Variants in DPAGT1 observed in about 807,000 individuals in gnomAD.
DPAGT1 encodes dolichyl-phosphate N-acetylglucosaminephosphotransferase 1.
Under a neutral mutation model 39.3 loss-of-function variants are expected in DPAGT1, and 25 were observed. The observed-to-expected ratio is 0.64, with a 90% CI of 0.46 to 0.89. DPAGT1 has a LOEUF of 0.89. Among genes scored for constraint, DPAGT1 ranks in the 40% least tolerant of loss-of-function variants. The pLI is 0.00. For missense variants in DPAGT1, 381 were observed against 500.6 expected, an observed-to-expected ratio of 0.76 and a Z score of 2.28; for synonymous variants, 193 against 201.4, an observed-to-expected ratio of 0.96 and a Z score of 0.36.
Position 119,100,862 on chromosome 11 carries a change from G to A in DPAGT1, c.283-19C>T, listed in dbSNP as rs747466643. 6.2e-6 allele frequency: 10 copies of A among 1,613,984 alleles called. No individual in the cohort carries two copies. The highest frequency in any genetic ancestry group is 8.5e-7 in the Non-Finnish European group (1 of 1,179,946). Reference sequence around the variant, plus strand: ...CCACAAACTGGGGGAGGCTCGGGCAGGTCCATGACTCAAGCCTGCTCCCAT... The same window carrying A: ...CCACAAACTGGGGGAGGCTCGGGCAAGTCCATGACTCAAGCCTGCTCCCAT... On this transcript the variant is annotated intron_variant, in intron 2 of 8. Transcript: ENST00000354202.
chr11:119,097,093 T>G lies in DPAGT1; in HGVS notation c.1162-30A>C. On this transcript the variant is annotated intron_variant, in intron 8 of 8. Coordinates refer to ENST00000354202, the MANE Select transcript of DPAGT1 (RefSeq NM_001382.4). This position sits in a 1 kb window ranked among gnomAD's most constrained non-coding sequence, Gnocchi z 4.6. ...AAGGAGAAATGGACTGGAGTAAGAA[T>G]CACGCAGAAAGGGAGACACGGAGGT... is the stretch of plus-strand genomic sequence containing the variant. 1.2e-6 allele frequency: 2 copies of G among 1,614,074 alleles called. No individual in the cohort carries two copies. The highest frequency in any genetic ancestry group is 1.7e-6 in the Non-Finnish European group (2 of 1,180,004).
Position 119,100,310 on chromosome 11 carries a change from G to A in DPAGT1, c.595C>T (p.Leu199=), listed in dbSNP as rs1178824669. ...ACAATGATGGAAGCAGAAATGACTAGTGACTGGCCAGCCTCTAGGCCGTTA... is the reference window on the plus strand; with the variant it reads ...ACAATGATGGAAGCAGAAATGACTAATGACTGGCCAGCCTCTAGGCCGTTA... ...GINGLEAGQS[L]VISASIIVFN... is the part of the protein sequence containing the mutation. Residue 199 remains leucine (L), a synonymous_variant, in exon 4 of 9, where the codon CTA becomes TTA. Transcript: ENST00000354202. 1.9e-6 allele frequency: 3 copies of A among 1,614,086 alleles called. No homozygotes were observed. The highest frequency in any genetic ancestry group is 1.3e-5 in the African/African-American group (1 of 74,928).
rs761256245 is a variant in DPAGT1, at chr11:119,101,707, T to C, written c.-52A>G. On this transcript the variant is annotated 5_prime_UTR_variant, in exon 1 of 9. Transcript: ENST00000354202. ...CCGCCTCTTCAGGTAACGGGCAAGC[T>C]GAGCAGCAGTCCTGAGGCCTCAGCA... 2.5e-6 allele frequency: 4 copies of C among 1,613,492 alleles called. No individual in the cohort carries two copies. Among genetic ancestry groups the C allele is most frequent in the Non-Finnish European group, 3.4e-6 (4 of 1,179,806 alleles).
chr11:119,101,341 C>T, intron 1 of DPAGT1, 154 bp downstream of exon 1: 1 of 1,480,602 alleles, frequency 6.8e-7, no homozygotes. Flanking sequence ...TTCCCCAATG[C>T]GAGTAAGTTC....
chr11:119,094,780 C>T, downstream of DPAGT1: 1 of 625,170 alleles, frequency 1.6e-6, no homozygotes, highest in Non-Finnish European at 2.6e-6. Flanking sequence ...GGAGCGGGGG[C>T]GGGCGGGGAC....
At position 119,101,767 on chromosome 11, in the gene DPAGT1, C is replaced by G; in HGVS notation, c.-112G>C. 1 of 1,575,822 alleles carries G rather than the reference C, an allele frequency of 6.3e-7. No individual in the cohort carries two copies. Among genetic ancestry groups the G allele is most frequent in the Non-Finnish European group, 8.6e-7 (1 of 1,162,658 alleles). On this transcript the variant is annotated 5_prime_UTR_variant, in exon 1 of 9. Coordinates refer to ENST00000354202, the MANE Select transcript of DPAGT1 (RefSeq NM_001382.4). ...GGCCGCTCCCCACAGGCAGGCTCTTCCCACACCAATCTGAGCAAAACCCAG... is the reference window on the plus strand; with the variant it reads ...GGCCGCTCCCCACAGGCAGGCTCTTGCCACACCAATCTGAGCAAAACCCAG...
chr11:119,100,823 G>C lies in DPAGT1; in HGVS notation c.303C>G (p.Ala101=). Residue 101 remains alanine, a synonymous_variant, in exon 3 of 9, where the codon GCC becomes GCG. Transcript: ENST00000354202. ...PHHEFVALIG[A]LLAICCMIFL... is the part of the protein sequence containing the mutation. Reference sequence around the variant, plus strand: ...AGATCATGCAGCAGATGGCAAGGAGGGCACCTATCAGGGCCACAAACTGGG... The same window carrying C: ...AGATCATGCAGCAGATGGCAAGGAGCGCACCTATCAGGGCCACAAACTGGG... The C allele has an allele frequency of 6.2e-7, 1 of 1,614,182 alleles. No individual in the cohort carries two copies. The highest frequency in any genetic ancestry group is 8.5e-7 in the Non-Finnish European group (1 of 1,180,042).
At chr11:119,101,426 C>A (rs1946503855) in intron 1 of DPAGT1, 69 bp downstream of exon 1, 1 of 1,612,000 alleles carries the variant, frequency 6.2e-7, no homozygotes, top group South Asian at 1.1e-5. Flanking sequence ...CACCCCGGTT[C>A]CCGCCCCTGC....
chr11:119,098,586 C>T (rs1946440476), intron 4 of DPAGT1, 99 bp from the exon 5 acceptor site: 1 of 1,176,468 alleles, frequency 8.5e-7, no homozygotes, highest in Admixed American at 1.9e-5. Context: ...CTGTTATCAT[C>T]CACCTCACCC....
At position 119,100,850 on chromosome 11, in the gene DPAGT1, G is replaced by A. The variant is rs1946490488; in HGVS notation, c.283-7C>T. On this transcript the variant is annotated splice_polypyrimidine_tract_variant and splice_region_variant and intron_variant, in intron 2 of 8. Coordinates refer to ENST00000354202, the MANE Select transcript of DPAGT1 (RefSeq NM_001382.4). ...CACCTATCAGGGCCACAAACTGGGG[G>A]AGGCTCGGGCAGGTCCATGACTCAA... 1.2e-6 allele frequency: 2 copies of A among 1,614,188 alleles called. No individual in the cohort carries two copies. The highest frequency in any genetic ancestry group is 1.7e-6 in the Non-Finnish European group (2 of 1,180,028).
chr11:119,097,950 G>T lies in DPAGT1; in HGVS notation c.822C>A (p.Thr274=), dbSNP rs756625547. ...CCTGGGGCATGAAGAATAGTAGCAT[G>T]GTCTTGCTGAAGTGTCCCAAGATGC... ...VVGILGHFSK[T]MLLFFMPQVF... is the part of the protein sequence containing the mutation. The change falls in exon 6 of 9, where the codon ACC becomes ACA. Residue 274 remains threonine, a synonymous_variant. Coordinates refer to ENST00000354202, the MANE Select transcript of DPAGT1 (RefSeq NM_001382.4). This position sits in a 1 kb window ranked among gnomAD's most constrained non-coding sequence, Gnocchi z 4.6. The T allele has an allele frequency of 6.2e-7, 1 of 1,614,204 alleles. No homozygotes were observed. Among genetic ancestry groups the T allele is most frequent in the East Asian group, 2.2e-5 (1 of 44,876 alleles).
chr11:119,095,059 G>A (rs1261579095), downstream of DPAGT1: 1 of 1,613,838 alleles, frequency 6.2e-7, no homozygotes, highest in Non-Finnish European at 8.5e-7. Flanking sequence ...GCACGGCCTG[G>A]ATGTTGGGCA....
At position 119,101,090 on chromosome 11, in the gene DPAGT1, G is replaced by A. The variant is rs990827926; in HGVS notation, c.210C>T (p.Leu70=). The change falls in exon 2 of 9, where the codon CTC becomes CTT. Residue 70 remains leucine, a synonymous_variant. Coordinates refer to ENST00000354202, the MANE Select transcript of DPAGT1 (RefSeq NM_001382.4). ...GGAAGGGGAAAGGGATGAAGCAGAA[G>A]AGGATGATAAGGAAAACAGCACCGC... The part of the protein sequence containing the change: ...VISGAVFLII[L]FCFIPFPFLN... 6.2e-7 allele frequency: 1 copy of A among 1,614,204 alleles called. No individual in the cohort carries two copies. The highest frequency in any genetic ancestry group is 8.5e-7 in the Non-Finnish European group (1 of 1,180,046).
downstream of DPAGT1, chr11:119,095,228 A>G (rs2134893373): frequency 6.2e-7 from 1 of 1,613,894 alleles, no homozygotes; most frequent in South Asian, 1.1e-5. Flanking sequence ...GAGGTACTCC[A>G]GCACTGCCGC....
chr11:119,097,100 G>T lies in DPAGT1; in HGVS notation c.1162-37C>A, dbSNP rs754754001. 1 of 1,614,232 alleles carries T rather than the reference G, an allele frequency of 6.2e-7. No homozygotes were observed. Among genetic ancestry groups the T allele is most frequent in the Non-Finnish European group, 8.5e-7 (1 of 1,180,042 alleles). ...AATGGACTGGAGTAAGAATCACGCA[G>T]AAAGGGAGACACGGAGGTATAAACT... On this transcript the variant is annotated intron_variant, in intron 8 of 8. Transcript: ENST00000354202. The surrounding 1 kb of genome is among the most constrained non-coding windows in gnomAD (Gnocchi z 4.6).
chr11:119,095,654 CGAG>C (rs1217569219), downstream of DPAGT1, among the ~76,000 whole-genome samples: 1 of 152,100 alleles, frequency 6.6e-6, no homozygotes, highest in Non-Finnish European at 1.5e-5. Context: ...GGAGAAAAGG[CGAG>C]GAGGAGGGGT....
downstream of DPAGT1, chr11:119,094,515 C>G (rs1946357422): frequency 6.5e-6 from 1 of 153,590 alleles, no homozygotes; most frequent in African/African-American, 2.4e-5. Context: ...TGCGTCAGAG[C>G]GGAAGGCCAA....
At position 119,100,301 on chromosome 11, in the gene DPAGT1, A is replaced by C. The variant is rs772626864; in HGVS notation, c.604T>G (p.Ser202Ala). Residue 202 changes from serine (S) to alanine (A), a missense_variant, in exon 4 of 9, where the codon TCT becomes GCT. Transcript: ENST00000354202. Reference sequence around the variant, plus strand: ...AGGTTGAAGACAATGATGGAAGCAGAAATGACTAGTGACTGGCCAGCCTCT... The same window carrying C: ...AGGTTGAAGACAATGATGGAAGCAGCAATGACTAGTGACTGGCCAGCCTCT... ...GLEAGQSLVI[S>A]ASIIVFNLVE... 8 of 1,614,256 alleles carry C rather than the reference A, an allele frequency of 5.0e-6. No homozygotes were observed. Among genetic ancestry groups the C allele is most frequent in the Non-Finnish European group, 6.8e-6 (8 of 1,180,034 alleles).
chr11:119,094,875 G>T, downstream of DPAGT1: 2 of 1,340,646 alleles, frequency 1.5e-6, no homozygotes, highest in Non-Finnish European at 2.0e-6. Flanking sequence ...AAGCGGCTCA[G>T]CTCTTTCCAT....
Sources: allele counts gnomAD v4.1 joint callset (sites outside exome capture counted in the v4.1 genomes callset), GRCh38; gene constraint gnomAD v4.1.1; non-coding constraint Gnocchi (gnomAD v3.1); transcripts MANE v1.5; gene names NCBI Gene and HGNC (gene_info 2026-07-23, HGNC 2026-07-21).